TTC7A: variants seen among roughly 807,000 people sequenced by gnomAD.
The protein encoded by TTC7A is tetratricopeptide repeat protein 7A.
TTC7A carries 110 observed loss-of-function variants against 103.7 expected under a neutral mutation model. The ratio of observed to expected loss-of-function variants is 1.06; its 90% CI spans 0.91 to 1.24. The LOEUF (loss-of-function observed/expected upper bound fraction) is 1.24. Ranked by LOEUF, TTC7A falls within the 50% of genes most tolerant of loss-of-function variation. The pLI, the probability that TTC7A is intolerant of heterozygous loss-of-function variation, is 0.00. For synonymous variants in TTC7A, 521 were observed against 467.9 expected (o/e 1.11, Z -1.47); for missense variants, 1,340 against 1,116.3 (o/e 1.20, Z -2.86).
intron 15 of TTC7A, among the ~76,000 whole-genome samples, chr2:47,034,586 C>G (rs1304643958): frequency 6.6e-6 from 1 of 152,156 alleles, no homozygotes; most frequent in African/African-American, 2.4e-5. Flanking sequence ...AGTTCCTCAG[C>G]TCATGATGGG....
chr2:47,054,860 T>C (rs1573046583), intron 18 of TTC7A, among the ~76,000 whole-genome samples: 2 of 146,294 alleles, frequency 1.4e-5, no homozygotes, highest in South Asian at 2.1e-4. Flanking sequence ...AGTCAGGGGA[T>C]CTATCCTGCT....
In TTC7A at chr2:47,051,869, G is replaced by T. The variant is rs769305462; in HGVS notation, c.2141G>T (p.Trp714Leu). 3.7e-6 allele frequency: 6 copies of T among 1,609,624 alleles called. No individual in the cohort carries two copies. Among genetic ancestry groups the T allele is most frequent in the Non-Finnish European group, 5.1e-6 (6 of 1,178,422 alleles). The change falls in exon 18 of 20, where the codon TGG becomes TTG. Residue 714 changes from tryptophan to leucine, a missense_variant. Transcript: ENST00000319190. ...MQLWTTLEQI[W>L]LQAAELFMEQ... ...CTGTGGACCACGCTGGAACAGATCT[G>T]GCTGCAGGCTGGTGAGTGCCCTGGT...
intron 8 of TTC7A, among the ~76,000 whole-genome samples, chr2:47,005,119 G>A (rs950326921): frequency 2.1e-4 from 32 of 152,326 alleles, no homozygotes; most frequent in Middle Eastern, 3.4e-3. Flanking sequence ...GGCGCTGGAC[G>A]CCAAGAGCAG....
Position 47,075,500 on chromosome 2 carries a change from C to A in TTC7A, c.*1577C>A, listed in dbSNP as rs1685147947. The A allele has an allele frequency of 6.6e-6, 1 of 152,154 alleles. No homozygotes were observed. Among genetic ancestry groups the A allele is most frequent in the East Asian group, 1.9e-4 (1 of 5,194 alleles). 9.4% of individuals were successfully genotyped at this position (152,154 alleles called of 1,614,324 possible). On this transcript the variant is annotated 3_prime_UTR_variant, in exon 20 of 20. Transcript: ENST00000319190. ...TGTTGGAAGCAGCAGAGGGCCAGGC[C>A]AAGTTGCTGACAGTGACTTTGCAGG...
intron 17 of TTC7A, chr2:47,050,442 T>G (rs61597871): frequency 0.018 from 3,070 of 169,974 alleles, 112 homozygotes; most frequent in African/African-American, 0.069. Context: ...AAGCAGACTC[T>G]TTTCTGGAAA....
rs139460494 is a variant in TTC7A, at chr2:47,051,813, C to T, written c.2085C>T (p.Pro695=). 2 of 1,612,154 alleles carry T rather than the reference C, an allele frequency of 1.2e-6. No homozygotes were observed. Among genetic ancestry groups the T allele is most frequent in the South Asian group, 2.2e-5 (2 of 91,014 alleles). Residue 695 remains proline (P), a synonymous_variant, in exon 18 of 20, where the codon CCC becomes CCT. Coordinates refer to ENST00000319190, the MANE Select transcript of TTC7A (RefSeq NM_020458.4). ...AGGCCATGTCAGAGCTGACTATGCC[C>T]TCTTCGGTCCTGAAGCAGGGCCCCA... The part of the protein sequence containing the change: ...LEEAMSELTM[P]SSVLKQGPMQ...
At chr2:47,017,202 A>C (rs1484182617) in intron 11 of TTC7A, among the ~76,000 whole-genome samples, 8 of 52,128 alleles carry the variant, frequency 1.5e-4, no homozygotes, top group Non-Finnish European at 2.4e-4. Flanking sequence ...CTCTGTCTCA[A>C]AAAAAAAAAA....
chr2:47,002,738 C>A (rs1331750157), intron 8 of TTC7A, among the ~76,000 whole-genome samples: 1 of 152,114 alleles, frequency 6.6e-6, no homozygotes, highest in African/African-American at 2.4e-5. Flanking sequence ...TTTCTCTGTC[C>A]CATTTCCCCC....
upstream of TTC7A, among the ~76,000 whole-genome samples, chr2:46,937,867 G>T (rs980065051): frequency 6.6e-6 from 1 of 152,168 alleles, no homozygotes. The surrounding 1 kb of genome is among the most constrained non-coding windows in gnomAD (Gnocchi z 4.0). Flanking sequence ...GCTGTAATTA[G>T]TTCTTTGTCA....
At chr2:47,046,169 G>T (rs189249899) in intron 15 of TTC7A, 146 bp from the exon 16 acceptor site, 1 of 667,384 alleles carries the variant, frequency 1.5e-6, no homozygotes, top group Non-Finnish European at 2.7e-6. Flanking sequence ...CGGTCCAGGG[G>T]CATGGCAGAG....
chr2:47,013,543 C>T (rs992811052), intron 11 of TTC7A, among the ~76,000 whole-genome samples: 1 of 152,176 alleles, frequency 6.6e-6, no homozygotes, highest in Non-Finnish European at 1.5e-5. Context: ...GCATCTGTGC[C>T]CCTCAAGGCT....
upstream of TTC7A, chr2:46,915,914 G>C (rs944120863): frequency 2.0e-6 from 2 of 984,980 alleles, no homozygotes; most frequent in Admixed American, 6.2e-5. Context: ...CTGTGAGGAC[G>C]GCTCGCGTGA....
At chr2:47,048,109 C>T (rs1450891492) in intron 16 of TTC7A, among the ~76,000 whole-genome samples, 2 of 152,194 alleles carry the variant, frequency 1.3e-5, no homozygotes, top group African/African-American at 2.4e-5. Context: ...CTGCTGGTCT[C>T]ATGTTCTAAT....
chr2:46,922,970 C>G (rs573806412), intron 2 of TTC7A, among the ~76,000 whole-genome samples: 44 of 152,318 alleles, frequency 2.9e-4, no homozygotes, highest in African/African-American at 9.9e-4. Context: ...AAGACCCCCT[C>G]TTTATTACAG....
At chr2:47,072,653 G>A (rs1034170127) in intron 19 of TTC7A, among the ~76,000 whole-genome samples, 1 of 152,248 alleles carries the variant, frequency 6.6e-6, no homozygotes, top group East Asian at 1.9e-4. Flanking sequence ...CCCCACTGCG[G>A]CCCCCGCCTG....
chr2:46,944,800 C>G (rs1376821996), intron 1 of TTC7A, among the ~76,000 whole-genome samples: 1 of 152,148 alleles, frequency 6.6e-6, no homozygotes, highest in Non-Finnish European at 1.5e-5. Flanking sequence ...CTCGGCCTCC[C>G]AAAGTGTTGA....
chr2:46,915,992 A>G (rs1668762908), upstream of TTC7A: 4 of 985,384 alleles, frequency 4.1e-6, no homozygotes, highest in South Asian at 4.7e-5. Context: ...TGCTTTCCCA[A>G]GGGCGACACT....
chr2:47,046,646 A>G (rs1263164841), intron 16 of TTC7A, among the ~76,000 whole-genome samples: 2 of 152,230 alleles, frequency 1.3e-5, no homozygotes, highest in African/African-American at 2.4e-5. Context: ...TACGTAGGAC[A>G]TTGAGGTTCA....
At chr2:46,928,151 C>G (rs1227577872) in intron 2 of TTC7A, among the ~76,000 whole-genome samples, 1 of 151,850 alleles carries the variant, frequency 6.6e-6, no homozygotes, top group African/African-American at 2.4e-5. Context: ...CTTAACCTCC[C>G]AAAGTGCCGG....
Sources: gnomAD v4.1 joint callset for allele counts (sites outside exome capture counted in the v4.1 genomes callset) on GRCh38, gnomAD v4.1.1 for gene constraint, Gnocchi (gnomAD v3.1) non-coding constraint, MANE v1.5 for transcripts, NCBI Gene and HGNC (gene_info 2026-07-23, HGNC 2026-07-21) for gene names.